Variants in ZNF487 observed in about 807,000 individuals in gnomAD.
ZNF487 encodes zinc finger protein 487.
ZNF487 carries 4 observed loss-of-function variants against 3.0 expected under a neutral mutation model. The ratio of observed to expected loss-of-function variants is 1.35; its 90% CI spans 0.66 to 3.08. The LOEUF (loss-of-function observed/expected upper bound fraction) is 3.08. Among genes scored for constraint, ZNF487 ranks in the 30% most tolerant of loss-of-function variants. ZNF487 has a pLI of 0.01. For synonymous variants in ZNF487, 55 were observed against 34.6 expected (o/e 1.59, Z -2.06); for missense variants, 146 against 98.7 (o/e 1.48, Z -2.03).
the ZNF487 span, among the ~76,000 whole-genome samples, chr10:43,490,096 C>G: frequency 6.6e-6 from 1 of 152,188 alleles, no homozygotes; most frequent in Non-Finnish European, 1.5e-5. Flanking sequence ...TGCCTATAAT[C>G]CCAGCACTTT....
In ZNF487 at chr10:43,482,195, A is replaced by G; in HGVS notation, c.*273A>G. Reference sequence around the variant, plus strand: ...TAGACATTTGGAAGTATTCTGCAAGAAGCCAAATTTCACTCAACATCAAGA... The same window carrying G: ...TAGACATTTGGAAGTATTCTGCAAGGAGCCAAATTTCACTCAACATCAAGA... On this transcript the variant is annotated 3_prime_UTR_variant, in exon 4 of 4. Coordinates refer to ENST00000437590, the MANE Select transcript of ZNF487 (RefSeq NM_001355444.3). 2 of 505,890 alleles carry G rather than the reference A, an allele frequency of 4.0e-6. No individual in the cohort carries two copies. The highest frequency in any genetic ancestry group is 7.1e-6 in the Non-Finnish European group (2 of 280,214). 31.3% of individuals were successfully genotyped at this position (505,890 alleles called of 1,614,324 possible). A position where few individuals can be genotyped will look rare whatever the true frequency, so the allele number is the denominator to read the frequency against.
chr10:43,487,017 T>C (rs546332881), downstream of ZNF487, among the ~76,000 whole-genome samples: 5 of 152,346 alleles, frequency 3.3e-5, no homozygotes, highest in African/African-American at 1.2e-4. Context: ...TAGATATCAT[T>C]GTTTTCCCAA....
At chr10:43,489,394 C>T in the ZNF487 span, among the ~76,000 whole-genome samples, 4,259 of 152,248 alleles carry the variant, frequency 0.028, 96 homozygotes, top group South Asian at 0.041. Flanking sequence ...CGCTCTGTCG[C>T]CCTGGCTGGA....
chr10:43,520,070 T>G, the ZNF487 span, among the ~76,000 whole-genome samples: 1 of 152,224 alleles, frequency 6.6e-6, no homozygotes, highest in Non-Finnish European at 1.5e-5. Flanking sequence ...TGCTATTTTT[T>G]TGTGTGAAAT....
In ZNF487 at chr10:43,445,177, C is replaced by A. The variant is rs576814255; in HGVS notation, c.-94+7915C>A. ...GAATTTTTTTTTTTTTCTTTAGAGA[C>A]GAGATCTTACTAGGTTGTGCAGGCT... is the stretch of plus-strand genomic sequence containing the variant. On this transcript the variant is annotated intron_variant, in intron 1 of 3. Transcript: ENST00000437590. Among the ~76,000 whole-genome samples the A allele has an allele frequency of 7.3e-5, 11 of 150,350 alleles. No individual in the cohort carries two copies. In the South Asian group the frequency reaches 2.3e-3, roughly 32 times the overall value.
At chr10:43,480,565 A>G (rs1264413053) in intron 3 of ZNF487, among the ~76,000 whole-genome samples, 5 of 151,508 alleles carry the variant, frequency 3.3e-5, no homozygotes, top group African/African-American at 1.2e-4. Context: ...ACAGATGCAC[A>G]CCACCACACC....
chr10:43,517,437 C>A, the ZNF487 span, among the ~76,000 whole-genome samples: 1 of 152,218 alleles, frequency 6.6e-6, no homozygotes, highest in Non-Finnish European at 1.5e-5. Context: ...GTCCACATTG[C>A]AATATGACAG....
rs113630359 is a variant in ZNF487 at position 43,478,509 on chromosome 10, C to T, written c.130+2307C>T. Among the ~76,000 whole-genome samples, 11 of 152,222 alleles carry T rather than the reference C, an allele frequency of 7.2e-5. No homozygotes were observed. The South Asian group carries it at 1.2e-3, about 17-fold the overall frequency. ...GGGAGGTTGTGGTAAGCTGAGATTG[C>T]GCCATTGCACTCCAGCTTGGGCAAC... is the stretch of plus-strand genomic sequence containing the variant. On this transcript the variant is annotated intron_variant, in intron 3 of 3. Coordinates refer to ENST00000437590, the MANE Select transcript of ZNF487 (RefSeq NM_001355444.3).
chr10:43,502,486 A>C, the ZNF487 span, among the ~76,000 whole-genome samples: 8 of 152,272 alleles, frequency 5.3e-5, no homozygotes, highest in East Asian at 1.5e-3. Context: ...ACAAACCTGC[A>C]CATTGTGCAC....
At chr10:43,440,862 T>C (rs901167494) in intron 1 of ZNF487, among the ~76,000 whole-genome samples, 27 of 151,838 alleles carry the variant, frequency 1.8e-4, no homozygotes, top group Middle Eastern at 3.4e-3. Flanking sequence ...TGCATAACCT[T>C]GGACTTTTTT....
intron 1 of ZNF487, among the ~76,000 whole-genome samples, chr10:43,445,825 G>T (rs992144605): frequency 6.6e-6 from 1 of 152,086 alleles, no homozygotes; most frequent in Non-Finnish European, 1.5e-5. Context: ...AGGACCCTGC[G>T]GCCTTCCGCA....
At chr10:43,448,050 T>C (rs61859051) in intron 1 of ZNF487, among the ~76,000 whole-genome samples, 5,000 of 133,636 alleles carry the variant, frequency 0.037, 108 homozygotes, top group South Asian at 0.047. Context: ...AGTGCAGTGG[T>C]GCGATCTCGG....
At position 43,481,830 on chromosome 10, in the gene ZNF487, C is replaced by G. The variant is rs971688985; in HGVS notation, c.532C>G (p.Gln178Glu). The G allele has an allele frequency of 1.4e-6, 1 of 703,824 alleles. No homozygotes were observed. The highest frequency in any genetic ancestry group is 2.6e-6 in the Non-Finnish European group (1 of 385,014). The allele number at this position is 703,824 out of a possible 1,614,324, so 43.6% of individuals were successfully genotyped here. ...GCATCAGTATATTCAAACTCTTAAGCAGTGTTTTGAATACAATCAGTGTGG... is the reference window on the plus strand; with the variant it reads ...GCATCAGTATATTCAAACTCTTAAGGAGTGTTTTGAATACAATCAGTGTGG... Reference protein sequence around the residue: ...FRHQYIQTLKQCFEYNQCGKA... With the variant: ...FRHQYIQTLKECFEYNQCGKA... Residue 178 changes from glutamine (Q) to glutamate (E), a missense_variant, in exon 4 of 4, where the codon CAG becomes GAG. Physicochemically the swap from Gln to Glu is conservative, Grantham distance 29 (BLOSUM62 2). Coordinates refer to ENST00000437590, the MANE Select transcript of ZNF487 (RefSeq NM_001355444.3).
rs187306976 is a variant in ZNF487 at position 43,464,098 on chromosome 10, A to G, written c.-93-11623A>G. 4.7e-3 allele frequency among the ~76,000 whole-genome samples: 713 copies of G among 152,242 alleles called. 2 individuals are homozygous for G. The highest frequency in any genetic ancestry group is 8.0e-3 in the Non-Finnish European group (543 of 68,008). ...AATACTTAAGCTTAATGAGGAAGGC[A>G]TATATCAAAAGCCAAGACAGGCCTA... On this transcript the variant is annotated intron_variant, in intron 1 of 3. Coordinates refer to ENST00000437590, the MANE Select transcript of ZNF487 (RefSeq NM_001355444.3).
At chr10:43,496,652 G>C in the ZNF487 span, among the ~76,000 whole-genome samples, 1 of 151,882 alleles carries the variant, frequency 6.6e-6, no homozygotes, top group African/African-American at 2.4e-5. Context: ...TTTATTTTTT[G>C]GGTTACAAAC....
intron 1 of ZNF487, among the ~76,000 whole-genome samples, chr10:43,472,889 A>T (rs1034957278): frequency 6.6e-6 from 1 of 151,678 alleles, no homozygotes; most frequent in Non-Finnish European, 1.5e-5. Context: ...TAATAAGTTG[A>T]TCATTGGCTG....
At chr10:43,472,256 C>A (rs1462554241) in intron 1 of ZNF487, among the ~76,000 whole-genome samples, 1 of 152,130 alleles carries the variant, frequency 6.6e-6, no homozygotes, top group African/African-American at 2.4e-5. Context: ...TTTATAGACC[C>A]AAGCTCAACA....
At chr10:43,449,678 ATT>A (rs769387408) in intron 1 of ZNF487, among the ~76,000 whole-genome samples, 21 of 130,912 alleles carry the variant, frequency 1.6e-4, no homozygotes, top group Non-Finnish European at 2.4e-4. Context: ...GTATTGAAGC[ATT>A]TTTTTTTTTT....
At chr10:43,492,705 G>A in the ZNF487 span, among the ~76,000 whole-genome samples, 7 of 152,060 alleles carry the variant, frequency 4.6e-5, no homozygotes, top group South Asian at 4.2e-4. Flanking sequence ...CGCCGGCCTC[G>A]GCCTCCCAAA....
Sources: allele counts gnomAD v4.1 joint callset (sites outside exome capture counted in the v4.1 genomes callset), GRCh38; gene constraint gnomAD v4.1.1; transcripts MANE v1.5; gene names NCBI Gene and HGNC (gene_info 2026-07-23, HGNC 2026-07-21).